LRP1B: variants seen among roughly 807,000 people sequenced by gnomAD.
The protein encoded by LRP1B is LDL receptor related protein 1B.
A neutral mutation model predicts 556.6 loss-of-function variants in LRP1B; 217 were observed. That is an observed-to-expected ratio of 0.39 (90% CI 0.35 to 0.44). LRP1B has a LOEUF of 0.44. Ranked by LOEUF, LRP1B falls within the 20% of genes least tolerant of loss-of-function variation. The pLI is 1.00. For missense variants in LRP1B, 5,053 were observed against 5,620.8 expected, an observed-to-expected ratio of 0.90 and a Z score of 3.23; for synonymous variants, 2,047 against 1,865.8, an observed-to-expected ratio of 1.10 and a Z score of -2.50.
In LRP1B at chr2:140,644,633, A is replaced by T. The variant is rs116890077; in HGVS notation, c.6800-42994T>A. Among the ~76,000 whole-genome samples the T allele has an allele frequency of 2.1e-4, 32 of 152,074 alleles. No individual in the cohort carries two copies. In the East Asian group the frequency reaches 5.8e-3, roughly 28 times the overall value. On this transcript the variant is annotated intron_variant, in intron 41 of 90. Transcript: ENST00000389484. Reference sequence around the variant, plus strand: ...TCATTATGCTGCCCAGGCAGGTCTCAAATTCCTGGGCTCAATCCATCTGCC... The same window carrying T: ...TCATTATGCTGCCCAGGCAGGTCTCTAATTCCTGGGCTCAATCCATCTGCC...
chr2:140,647,127 A>T (rs998445687), intron 41 of LRP1B, among the ~76,000 whole-genome samples: 3 of 152,296 alleles, frequency 2.0e-5, no homozygotes, highest in Admixed American at 6.5e-5. Flanking sequence ...TGAAGTAATA[A>T]ATCAAAACAT....
intron 41 of LRP1B, among the ~76,000 whole-genome samples, chr2:140,642,677 T>G (rs1194004968): frequency 6.6e-6 from 1 of 151,750 alleles, no homozygotes; most frequent in Non-Finnish European, 1.5e-5. Context: ...CCATCTCTAC[T>G]AAAAAATACA....
intron 15 of LRP1B, among the ~76,000 whole-genome samples, chr2:140,999,425 T>C (rs1422328924): frequency 1.3e-5 from 2 of 152,020 alleles, no homozygotes; most frequent in Non-Finnish European, 2.9e-5. Flanking sequence ...ACCAACAGTC[T>C]CAGAAAAAAA....
At chr2:142,120,948 A>G (rs766465562) in intron 1 of LRP1B, among the ~76,000 whole-genome samples, 8 of 152,212 alleles carry the variant, frequency 5.3e-5, no homozygotes, top group Non-Finnish European at 1.2e-4. Flanking sequence ...CATGTTTTAC[A>G]CAAATCAATA....
intron 11 of LRP1B, among the ~76,000 whole-genome samples, chr2:141,023,277 A>G (rs948050906): frequency 1.3e-4 from 20 of 151,940 alleles, no homozygotes; most frequent in African/African-American, 4.8e-4. Flanking sequence ...ACACACTCAC[A>G]TATCTCATTC....
chr2:141,160,846 CTATA>C (rs61683642), intron 7 of LRP1B, among the ~76,000 whole-genome samples: 7 of 149,424 alleles, frequency 4.7e-5, no homozygotes, highest in Non-Finnish European at 8.9e-5. Context: ...CAAAATTAAT[CTATA>C]TATATATATA....
chr2:140,974,574 C>A (rs1268826650), intron 18 of LRP1B, among the ~76,000 whole-genome samples: 2 of 151,994 alleles, frequency 1.3e-5, no homozygotes, highest in African/African-American at 2.4e-5. Flanking sequence ...TAGGTGTGTA[C>A]AAACCTGCTT....
chr2:141,849,325 T>G (rs1459377396), intron 1 of LRP1B, among the ~76,000 whole-genome samples: 1 of 151,686 alleles, frequency 6.6e-6, no homozygotes, highest in Non-Finnish European at 1.5e-5. Flanking sequence ...TGTCAGAATA[T>G]TAATTGTGAC....
intron 2 of LRP1B, among the ~76,000 whole-genome samples, chr2:141,597,538 A>C (rs1687568975): frequency 1.3e-5 from 2 of 152,062 alleles, no homozygotes; most frequent in South Asian, 4.1e-4. Flanking sequence ...GTTCATTTTG[A>C]ACAGATTTTA....
intron 79 of LRP1B, among the ~76,000 whole-genome samples, chr2:140,329,500 C>T (rs2105072848): frequency 6.6e-6 from 1 of 152,106 alleles, no homozygotes. Context: ...AAAACCCCGT[C>T]TTCTCAGCTC....
intron 2 of LRP1B, among the ~76,000 whole-genome samples, chr2:141,782,783 C>T (rs2105642803): frequency 6.6e-6 from 1 of 152,072 alleles, no homozygotes; most frequent in Admixed American, 6.6e-5. Flanking sequence ...GTCAGCTTTT[C>T]ACAGAAGCTT....
chr2:141,419,039 A>G (rs531645056), intron 3 of LRP1B, among the ~76,000 whole-genome samples: 1 of 152,170 alleles, frequency 6.6e-6, no homozygotes, highest in South Asian at 2.1e-4. Flanking sequence ...AGAATTCTCT[A>G]CATTTAAGAC....
intron 1 of LRP1B, among the ~76,000 whole-genome samples, chr2:142,042,010 A>G (rs1395566633): frequency 6.6e-6 from 1 of 151,456 alleles, no homozygotes; most frequent in Non-Finnish European, 1.5e-5. Flanking sequence ...TAAGTTTTAA[A>G]TTTTGGATAT....
At chr2:141,392,400 T>A (rs1467241801) in intron 3 of LRP1B, among the ~76,000 whole-genome samples, 8 of 134,758 alleles carry the variant, frequency 5.9e-5, no homozygotes, top group Admixed American at 4.9e-4. Context: ...AAAAAACAAA[T>A]CATCCTGCCT....
intron 7 of LRP1B, among the ~76,000 whole-genome samples, chr2:141,111,915 A>T (rs758755942): frequency 6.6e-6 from 1 of 151,956 alleles, no homozygotes; most frequent in East Asian, 1.9e-4. Flanking sequence ...GTATGGTGGT[A>T]TGCACCTGTA....
intron 66 of LRP1B, among the ~76,000 whole-genome samples, chr2:140,389,689 T>A (rs1683925529): frequency 6.8e-6 from 1 of 146,138 alleles, no homozygotes; most frequent in Non-Finnish European, 1.5e-5. Flanking sequence ...TTGTTTAAAA[T>A]GTTCATTTTT....
chr2:140,960,922 T>C (rs545125690), intron 18 of LRP1B, among the ~76,000 whole-genome samples: 3 of 151,884 alleles, frequency 2.0e-5, no homozygotes, highest in Admixed American at 1.3e-4. Context: ...TTAAATGATC[T>C]TACAGAATAA....
chr2:140,734,320 GGACTA>G (rs1687875943), intron 35 of LRP1B, among the ~76,000 whole-genome samples: 1 of 152,160 alleles, frequency 6.6e-6, no homozygotes, highest in Admixed American at 6.5e-5. Flanking sequence ...ATCAATTTGG[GGACTA>G]GACTTGGAAG....
intron 9 of LRP1B, among the ~76,000 whole-genome samples, chr2:141,057,928 C>A (rs1031666105): frequency 6.6e-6 from 1 of 151,826 alleles, no homozygotes; most frequent in African/African-American, 2.4e-5. Flanking sequence ...TCTTTATCCA[C>A]CTTACTTTCT....
Sources: gnomAD v4.1 joint callset for allele counts (sites outside exome capture counted in the v4.1 genomes callset) on GRCh38, gnomAD v4.1.1 for gene constraint, MANE v1.5 for transcripts, NCBI Gene and HGNC (gene_info 2026-07-23, HGNC 2026-07-21) for gene names.